NANOS3: variants seen among roughly 807,000 people sequenced by gnomAD.
The protein encoded by NANOS3 is nanos homolog 3.
Under a neutral mutation model 13.8 loss-of-function variants are expected in NANOS3, and 11 were observed. The observed-to-expected ratio is 0.80, with a 90% CI of 0.50 to 1.32. NANOS3 has a LOEUF of 1.32. Among genes scored for constraint, NANOS3 ranks in the 40% most tolerant of loss-of-function variants. NANOS3 has a pLI of 0.00. For synonymous variants in NANOS3, 119 were observed against 115.4 expected (o/e 1.03, Z -0.20); for missense variants, 221 against 263.8 (o/e 0.84, Z 1.12).
At chr19:13,880,058 AGGAGAAGATAGTGTTTCCT>A (rs1027669483) in intron 1 of NANOS3, among the ~76,000 whole-genome samples, 1 of 152,178 alleles carries the variant, frequency 6.6e-6, no homozygotes, top group Non-Finnish European at 1.5e-5. Context: ...GACTGCCTCC[AGGAGAAGATAGTGTTTCCT>A]GTGAGGTTTG....
At chr19:13,873,905 C>T (rs1237672379), upstream of NANOS3, among the ~76,000 whole-genome samples, 1 of 88,482 alleles carries the variant, frequency 1.1e-5, no homozygotes, top group African/African-American at 4.6e-5. Context: ...TGGGGGCACC[C>T]GGGGCGGGGG....
At chr19:13,871,416 A>G (rs544920575) in intron 1 of NANOS3, among the ~76,000 whole-genome samples, 3 of 152,186 alleles carry the variant, frequency 2.0e-5, no homozygotes, top group Non-Finnish European at 2.9e-5. Flanking sequence ...GACCACAGGC[A>G]AAGAAGAGAG....
At chr19:13,876,324 G>A (rs879274752), upstream of NANOS3, among the ~76,000 whole-genome samples, 246 of 121,966 alleles carry the variant, frequency 2.0e-3, 2 homozygotes, top group African/African-American at 8.9e-3. Flanking sequence ...GTGTGTGTGT[G>A]TGTGTGTGTA....
intron 1 of NANOS3, among the ~76,000 whole-genome samples, chr19:13,871,558 C>T (rs553110623): frequency 5.3e-4 from 81 of 152,306 alleles, no homozygotes; most frequent in African/African-American, 1.5e-3. Context: ...AGGGAACAAC[C>T]TCCTTGGCAG....
At chr19:13,876,998 A>G (rs1426626736), upstream of NANOS3, among the ~76,000 whole-genome samples, 12 of 152,274 alleles carry the variant, frequency 7.9e-5, no homozygotes, top group African/African-American at 2.4e-4. Flanking sequence ...GCACAGCCAG[A>G]GGCCATACAG....
chr19:13,866,103 C>T (rs1440891484), intron 1 of NANOS3, among the ~76,000 whole-genome samples: 2 of 152,268 alleles, frequency 1.3e-5, no homozygotes, highest in East Asian at 1.9e-4. Flanking sequence ...CTGTCATTAC[C>T]GGCAGCAGCT....
In NANOS3 at chr19:13,880,431, C is replaced by T. The variant is rs377262446; in HGVS notation, c.518-11C>T. The T allele has an allele frequency of 1.9e-6, 3 of 1,613,268 alleles. No homozygotes were observed. Among genetic ancestry groups the T allele is most frequent in the African/African-American group, 2.7e-5 (2 of 74,908 alleles). ...TGTGATTAAGCATTTCTCTCCCTCC[C>T]CCTCCACTAGGTTTCAGAGGTGCCG... On this transcript the variant is annotated splice_polypyrimidine_tract_variant and intron_variant, in intron 1 of 1. Coordinates refer to ENST00000339133, the MANE Select transcript of NANOS3 (RefSeq NM_001098622.3).
upstream of NANOS3, among the ~76,000 whole-genome samples, chr19:13,862,495 GA>G (rs920434887): frequency 6.6e-6 from 1 of 152,158 alleles, no homozygotes; most frequent in African/African-American, 2.4e-5. Flanking sequence ...GAGACGGGGG[GA>G]AAGGCCTCGC....
rs1168294050 is a variant in NANOS3, at chr19:13,880,686, G to A, written c.*183G>A. ...TGTCCTTGGGGACCCCACCCTTTGT[G>A]CCATCTGCCGTTTCCCTAGTGCTGG... On this transcript the variant is annotated 3_prime_UTR_variant, in exon 2 of 2. Transcript: ENST00000339133. The A allele has an allele frequency of 6.7e-6, 4 of 594,746 alleles. No individual in the cohort carries two copies. The highest frequency in any genetic ancestry group is 1.2e-5 in the Non-Finnish European group (4 of 334,018). The allele number at this position is 594,746 out of a possible 1,614,324, so 36.8% of individuals were successfully genotyped here.
At position 13,877,751 on chromosome 19, in the gene NANOS3, G is replaced by T. The variant is rs1165462935; in HGVS notation, c.503G>T (p.Gly168Val). The change falls in exon 1 of 2, where the codon GGA becomes GTA. Residue 168 changes from glycine (G) to valine (V), a missense_variant. Gly to Val is a moderately radical substitution (Grantham distance 109). Transcript: ENST00000339133. ...CAGGACACAGGCCACCGCCGAGGAG[G>T]AGGAGGAGGAGCAGGTGCCTGCACA... The part of the protein sequence containing the change: ...KTQDTGHRRG[G>V]GGGAGFRGAG... The T allele has an allele frequency of 6.4e-7, 1 of 1,567,898 alleles. No homozygotes were observed.
chr19:13,864,562 TATTAG>T (rs1976202568), upstream of NANOS3, among the ~76,000 whole-genome samples: 1 of 152,022 alleles, frequency 6.6e-6, no homozygotes, highest in Non-Finnish European at 1.5e-5. Flanking sequence ...TATATCCATG[TATTAG>T]GTTATTTTGT....
chr19:13,875,738 CAG>C (rs1248910417), upstream of NANOS3, among the ~76,000 whole-genome samples: 2 of 152,088 alleles, frequency 1.3e-5, no homozygotes, highest in Admixed American at 6.6e-5. Context: ...TTTGTAGGAA[CAG>C]GGTCTCAAAA....
chr19:13,874,843 G>A (rs759461763), upstream of NANOS3: 14 of 526,430 alleles, frequency 2.7e-5, 1 homozygote, highest in South Asian at 1.4e-4. Flanking sequence ...GATCTAGGGG[G>A]GCCTGGGGAG....
upstream of NANOS3, among the ~76,000 whole-genome samples, chr19:13,875,961 C>G (rs1417943824): frequency 6.6e-6 from 1 of 152,152 alleles, no homozygotes; most frequent in Non-Finnish European, 1.5e-5. Flanking sequence ...GGGGAGGACA[C>G]TGAAGACCTG....
intron 1 of NANOS3, among the ~76,000 whole-genome samples, chr19:13,868,194 G>T (rs1223815968): frequency 1.3e-5 from 2 of 151,842 alleles, no homozygotes; most frequent in Non-Finnish European, 2.9e-5. Flanking sequence ...GAGTAGCTGG[G>T]ATTACAGGCG....
At chr19:13,869,796 A>G (rs1015345753) in intron 1 of NANOS3, among the ~76,000 whole-genome samples, 2 of 151,524 alleles carry the variant, frequency 1.3e-5, no homozygotes, top group African/African-American at 4.8e-5. Flanking sequence ...ACACACGCAC[A>G]CACATACAGT....
chr19:13,873,213 G>C (rs1968430707), upstream of NANOS3, among the ~76,000 whole-genome samples: 2 of 151,138 alleles, frequency 1.3e-5, no homozygotes, highest in Non-Finnish European at 2.9e-5. Flanking sequence ...AAGCGACGGG[G>C]CTCTAAGGGG....
At chr19:13,876,706 C>CAT (rs1338820895), upstream of NANOS3, among the ~76,000 whole-genome samples, 1 of 151,962 alleles carries the variant, frequency 6.6e-6, no homozygotes, top group Non-Finnish European at 1.5e-5. Context: ...CACACACACA[C>CAT]AAAGAACCCA....
chr19:13,877,868 G>T, intron 1 of NANOS3, 103 bp downstream of exon 1: 2 of 1,442,722 alleles, frequency 1.4e-6, no homozygotes, highest in Non-Finnish European at 1.8e-6. Context: ...GTTAGGGGAA[G>T]ACCTTAGAGA....
Sources: allele counts gnomAD v4.1 joint callset (sites outside exome capture counted in the v4.1 genomes callset), GRCh38; gene constraint gnomAD v4.1.1; transcripts MANE v1.5; gene names NCBI Gene and HGNC (gene_info 2026-07-23, HGNC 2026-07-21).